USP54: variants seen among roughly 807,000 people sequenced by gnomAD.
The protein encoded by USP54 is ubiquitin carboxyl-terminal hydrolase 54.
In USP54, 87 loss-of-function variants were observed where a neutral mutation model predicts 170.5. The ratio of observed to expected loss-of-function variants is 0.51; its 90% CI spans 0.43 to 0.61. The LOEUF is 0.61. Among genes scored for constraint, USP54 ranks in the 20% least tolerant of loss-of-function variants. USP54 has a pLI of 0.00. For missense variants in USP54, 1,786 were observed against 2,047.8 expected (o/e 0.87, Z 2.47); for synonymous variants, 655 against 742.8 (o/e 0.88, Z 1.92).
intron 22 of USP54, chr10:73,504,308 T>G (rs537994667): frequency 6.5e-6 from 1 of 154,044 alleles, no homozygotes; most frequent in East Asian, 1.9e-4. Flanking sequence ...CTGATATTAT[T>G]TAAGTTTGTT....
intron 4 of USP54, among the ~76,000 whole-genome samples, chr10:73,559,509 T>C (rs1421269443): frequency 1.4e-5 from 2 of 144,340 alleles, no homozygotes; most frequent in African/African-American, 5.2e-5. Context: ...GCGATGAGCC[T>C]AGATTGCGCC....
chr10:73,580,518 G>T (rs1302678251), intron 1 of USP54, among the ~76,000 whole-genome samples: 1 of 151,872 alleles, frequency 6.6e-6, no homozygotes, highest in Non-Finnish European at 1.5e-5. Context: ...TCTATGTTTA[G>T]ATATGTTTAG....
intron 10 of USP54, chr10:73,538,210 A>C (rs2065716930): frequency 6.6e-6 from 1 of 152,184 alleles, no homozygotes; most frequent in African/African-American, 2.4e-5. Flanking sequence ...ATGTCAAAAA[A>C]AAAAAAAAGT....
intron 4 of USP54, among the ~76,000 whole-genome samples, chr10:73,566,697 T>C (rs536628405): frequency 9.9e-5 from 15 of 151,316 alleles, no homozygotes; most frequent in African/African-American, 3.2e-4. Flanking sequence ...TGCCACTGCA[T>C]TCCAGCCTGG....
At chr10:73,500,590 G>C in intron 23 of USP54, 65 bp downstream of exon 23, 1 of 1,473,192 alleles carries the variant, frequency 6.8e-7, no homozygotes, top group Non-Finnish European at 9.1e-7. Flanking sequence ...ATACTGATTT[G>C]ACCCTTGGAG....
intron 17 of USP54, among the ~76,000 whole-genome samples, chr10:73,522,648 G>C (rs2062092954): frequency 6.6e-6 from 1 of 152,126 alleles, no homozygotes. Flanking sequence ...TATAGAGACA[G>C]CTAAGTATTA....
intron 20 of USP54, chr10:73,515,918 G>C (rs201611761): frequency 6.5e-6 from 1 of 154,354 alleles, no homozygotes; most frequent in Non-Finnish European, 1.4e-5. Context: ...GAGTAGCTGG[G>C]ACTACAGGCA....
chr10:73,516,591 G>A lies in USP54; in HGVS notation c.3835C>T (p.Pro1279Ser), dbSNP rs766757839. Residue 1279 changes from proline (P) to serine (S), a missense_variant, in exon 20 of 24, where the codon CCT becomes TCT. This residue lies in a region of USP54 where 1,418 missense variants were observed against 1,569.0 expected (regional missense o/e 0.90). Transcript: ENST00000687698. Reference protein sequence around the residue: ...FCDSQLKHGAPRPGMKSSPHD... With the variant: ...FCDSQLKHGASRPGMKSSPHD... ...GGGGAGGACTTCATTCCTGGCCTAG[G>A]TGCCCCATGCTTAAGCTGAGAATCA... 1 of 1,614,204 alleles carries A rather than the reference G, an allele frequency of 6.2e-7. No individual in the cohort carries two copies. The highest frequency in any genetic ancestry group is 1.1e-5 in the South Asian group (1 of 91,088).
chr10:73,622,281 T>C (rs1248947552), intron 1 of USP54, among the ~76,000 whole-genome samples: 2 of 151,888 alleles, frequency 1.3e-5, no homozygotes, highest in Admixed American at 6.6e-5. Flanking sequence ...ATTATTATTA[T>C]TGCCTTAAGA....
intron 1 of USP54, among the ~76,000 whole-genome samples, chr10:73,619,237 CT>C (rs1260301250): frequency 6.7e-6 from 1 of 149,518 alleles, no homozygotes; most frequent in African/African-American, 2.5e-5. Context: ...TTTCTTTTTT[CT>C]TTTTTTTGAG....
In USP54 at chr10:73,498,362, GCC is replaced by G; in HGVS notation, c.*265_*266del. 1 of 217,722 alleles carries G rather than the reference GCC, an allele frequency of 4.6e-6. No individual in the cohort carries two copies. Among genetic ancestry groups the G allele is most frequent in the Admixed American group, 5.2e-5 (1 of 19,316 alleles). 13.5% of individuals were successfully genotyped at this position (217,722 alleles called of 1,614,324 possible). A position where few individuals can be genotyped will look rare whatever the true frequency, so the allele number is the denominator to read the frequency against. ...GCGATCTCGGCTCACTGCAACCTCT[GCC>G]TCCCGGGTTCAAGCAATTCTCCTGC... is the stretch of plus-strand genomic sequence containing the variant. On this transcript the variant is annotated 3_prime_UTR_variant, in exon 24 of 24. Coordinates refer to ENST00000687698, the MANE Select transcript of USP54 (RefSeq NM_001391956.1).
intron 15 of USP54, among the ~76,000 whole-genome samples, chr10:73,528,507 C>T (rs373815664): frequency 6.6e-6 from 1 of 152,068 alleles, no homozygotes; most frequent in Non-Finnish European, 1.5e-5. Flanking sequence ...CCACCCGCCT[C>T]GGCCTCCCAA....
chr10:73,605,259 T>C (rs1334498791), intron 1 of USP54, among the ~76,000 whole-genome samples: 3 of 151,946 alleles, frequency 2.0e-5, no homozygotes, highest in Non-Finnish European at 4.4e-5. Context: ...AGAGACGGGG[T>C]TTTACCATGT....
intron 1 of USP54, among the ~76,000 whole-genome samples, chr10:73,609,842 C>CAA (rs879852354): frequency 3.1e-5 from 2 of 63,848 alleles, no homozygotes; most frequent in Admixed American, 1.8e-4. Context: ...GATTCCGTCA[C>CAA]AAAAAAAAAA....
chr10:73,596,958 C>T (rs1415456622), intron 1 of USP54, among the ~76,000 whole-genome samples: 3 of 152,128 alleles, frequency 2.0e-5, no homozygotes, highest in African/African-American at 4.8e-5. Flanking sequence ...CAAATCCATG[C>T]ATGACATTGT....
chr10:73,577,652 C>T (rs1197044967), intron 1 of USP54, among the ~76,000 whole-genome samples: 1 of 152,150 alleles, frequency 6.6e-6, no homozygotes, highest in African/African-American at 2.4e-5. Flanking sequence ...GGCTTAAAGA[C>T]ATTAACTTGC....
intron 4 of USP54, among the ~76,000 whole-genome samples, chr10:73,566,908 G>C (rs562068574): frequency 4.0e-4 from 61 of 151,970 alleles, no homozygotes; most frequent in Non-Finnish European, 7.9e-4. Flanking sequence ...ACAGAGTTTT[G>C]CTCTGTCACC....
chr10:73,607,807 G>A (rs1489430889), intron 1 of USP54, among the ~76,000 whole-genome samples: 1 of 149,558 alleles, frequency 6.7e-6, no homozygotes, highest in South Asian at 2.1e-4. Context: ...CCCCAGCCTG[G>A]GAGACAGAGC....
At chr10:73,576,796 G>T (rs923678334) in intron 1 of USP54, among the ~76,000 whole-genome samples, 1 of 152,190 alleles carries the variant, frequency 6.6e-6, no homozygotes, top group Non-Finnish European at 1.5e-5. Context: ...CTTAAAGGTG[G>T]GAAGGCCATG....
Sources: allele counts gnomAD v4.1 joint callset (sites outside exome capture counted in the v4.1 genomes callset), GRCh38; gene constraint gnomAD v4.1.1; regional missense constraint gnomAD v4.1.1; transcripts MANE v1.5; gene names NCBI Gene and HGNC (gene_info 2026-07-23, HGNC 2026-07-21).